SUSD1: variants seen among roughly 807,000 people sequenced by gnomAD.
The protein encoded by SUSD1 is sushi domain containing 1, also known as sushi domain-containing protein 1.
In SUSD1, 65 loss-of-function variants were observed where a neutral mutation model predicts 86.9. The ratio of observed to expected loss-of-function variants is 0.75; its 90% CI spans 0.61 to 0.92. The LOEUF is 0.92. Ranked by LOEUF, SUSD1 falls within the 40% of genes least tolerant of loss-of-function variation. SUSD1 has a pLI of 0.00. For missense variants in SUSD1, 850 were observed against 929.7 expected, an observed-to-expected ratio of 0.91 and a Z score of 1.11; for synonymous variants, 346 against 350.0, an observed-to-expected ratio of 0.99 and a Z score of 0.13.
At chr9:112,127,777 A>G (rs897095560) in intron 5 of SUSD1, among the ~76,000 whole-genome samples, 2 of 152,212 alleles carry the variant, frequency 1.3e-5, no homozygotes, top group Non-Finnish European at 2.9e-5. Context: ...AACAATTATT[A>G]TTAAGTGATA....
intron 6 of SUSD1, among the ~76,000 whole-genome samples, chr9:112,118,624 A>G (rs1280203027): frequency 6.6e-6 from 1 of 152,140 alleles, no homozygotes; most frequent in Non-Finnish European, 1.5e-5. Flanking sequence ...AGCTGGGACT[A>G]CAGACGCGTG....
At chr9:112,143,368 C>G in intron 4 of SUSD1, 103 bp downstream of exon 4, 1 of 1,165,972 alleles carries the variant, frequency 8.6e-7, no homozygotes, top group East Asian at 2.4e-5. Flanking sequence ...TGCAAAGGAT[C>G]AGATCACCTC....
intron 5 of SUSD1, 31 bp from the exon 6 acceptor site, chr9:112,124,467 T>A (rs1210578717): frequency 6.3e-7 from 1 of 1,587,188 alleles, no homozygotes; most frequent in Non-Finnish European, 8.6e-7. Flanking sequence ...GCACTGGTTA[T>A]AAGCCCTGAC....
At chr9:112,125,351 A>C (rs1490593888) in intron 5 of SUSD1, among the ~76,000 whole-genome samples, 3 of 152,146 alleles carry the variant, frequency 2.0e-5, no homozygotes, top group Non-Finnish European at 4.4e-5. Flanking sequence ...AATAAAAATA[A>C]ATTTTCAAAT....
At chr9:112,107,279 G>T (rs931641346) in intron 8 of SUSD1, among the ~76,000 whole-genome samples, 2 of 129,330 alleles carry the variant, frequency 1.5e-5, no homozygotes, top group Non-Finnish European at 3.4e-5. Context: ...AAAAAGAAAA[G>T]AAAGAAAAAA....
intron 12 of SUSD1, among the ~76,000 whole-genome samples, chr9:112,064,596 G>A (rs1381076754): frequency 5.3e-5 from 8 of 152,136 alleles, no homozygotes; most frequent in South Asian, 2.1e-4. Context: ...GGCCGGGTGC[G>A]GGGGTGCGGT....
intron 5 of SUSD1, among the ~76,000 whole-genome samples, chr9:112,124,717 C>G (rs1386105033): frequency 6.6e-6 from 1 of 152,162 alleles, no homozygotes; most frequent in Non-Finnish European, 1.5e-5. Flanking sequence ...TTACAGTTCT[C>G]TAGTACATTT....
chr9:112,154,386 T>C (rs1002805285), intron 2 of SUSD1, among the ~76,000 whole-genome samples: 4 of 149,910 alleles, frequency 2.7e-5, no homozygotes, highest in African/African-American at 9.8e-5. Context: ...TGGTGGTGTG[T>C]GCCTGTAGTC....
In SUSD1 at chr9:112,175,274, C is replaced by G. The variant is rs1834232082; in HGVS notation, c.-39G>C. On this transcript the variant is annotated 5_prime_UTR_variant, in exon 1 of 17. Coordinates refer to ENST00000374270, the MANE Select transcript of SUSD1 (RefSeq NM_022486.5). This position sits in a 1 kb window ranked among gnomAD's most constrained non-coding sequence, Gnocchi z 4.7. ...CCTCCCGGCGCGCCCGCGCCTCCTCCCGGGGCCCTCAGGGTGCAGAGATAA... is the reference window on the plus strand; with the variant it reads ...CCTCCCGGCGCGCCCGCGCCTCCTCGCGGGGCCCTCAGGGTGCAGAGATAA... The G allele has an allele frequency of 8.8e-7, 1 of 1,135,044 alleles. No individual in the cohort carries two copies. The highest frequency in any genetic ancestry group is 1.1e-6 in the Non-Finnish European group (1 of 925,998). The allele number at this position is 1,135,044 out of a possible 1,614,324, so 70.3% of individuals were successfully genotyped here. A position where few individuals can be genotyped will look rare whatever the true frequency, so the allele number is the denominator to read the frequency against.
intron 1 of SUSD1, chr9:112,173,616 A>G: frequency 2.3e-6 from 1 of 439,184 alleles, no homozygotes; most frequent in South Asian, 1.8e-5. Context: ...TTGATCCTTG[A>G]CCTTGGTCTT....
intron 1 of SUSD1, among the ~76,000 whole-genome samples, chr9:112,160,215 T>C (rs986048240): frequency 1.3e-5 from 2 of 152,102 alleles, no homozygotes; most frequent in African/African-American, 2.4e-5. Flanking sequence ...AGAGAGAAGA[T>C]GATAGCAGAC....
chr9:112,041,437 G>T lies in SUSD1; in HGVS notation c.*55C>A, dbSNP rs1177406000. ...CCTCTGTGCGGGCACCTGAGAAGCT[G>T]CCAGAACACCTGCCCAGCAGCAGTG... On this transcript the variant is annotated 3_prime_UTR_variant, in exon 17 of 17. Transcript: ENST00000374270. The T allele has an allele frequency of 1.3e-6, 1 of 780,834 alleles. No individual in the cohort carries two copies. The highest frequency in any genetic ancestry group is 2.4e-6 in the Non-Finnish European group (1 of 418,088). 48.4% of individuals were successfully genotyped at this position (780,834 alleles called of 1,614,324 possible). A position where few individuals can be genotyped will look rare whatever the true frequency, so the allele number is the denominator to read the frequency against.
intron 2 of SUSD1, among the ~76,000 whole-genome samples, chr9:112,154,029 G>A (rs1463432979): frequency 6.6e-6 from 1 of 152,192 alleles, no homozygotes; most frequent in Admixed American, 6.5e-5. Flanking sequence ...CATTATGACA[G>A]CTACGACATC....
intron 15 of SUSD1, among the ~76,000 whole-genome samples, chr9:112,046,986 T>C (rs1827982279): frequency 6.6e-6 from 1 of 152,202 alleles, no homozygotes; most frequent in African/African-American, 2.4e-5. Flanking sequence ...GGGTGGTAAG[T>C]TCAGGCACAT....
chr9:112,115,824 G>GAAAAAAAAAA lies in SUSD1; in HGVS notation c.887-2966_887-2957dup, dbSNP rs58111856. ...ACTCCATTGCAAAAAAAAAAAAAAA[G>GAAAAAAAAAA]AAAAAAAAAAGAAAAGAAATACTCC... On this transcript the variant is annotated intron_variant, in intron 6 of 16. Coordinates refer to ENST00000374270, the MANE Select transcript of SUSD1 (RefSeq NM_022486.5). 9.1e-5 allele frequency among the ~76,000 whole-genome samples: 11 copies of GAAAAAAAAAA among 120,954 alleles called. 1 individual carries two copies. Among genetic ancestry groups the GAAAAAAAAAA allele is most frequent in the African/African-American group, 3.4e-4 (11 of 32,316 alleles). 79.4% of individuals were successfully genotyped at this position (120,954 alleles called of 152,430 possible).
chr9:112,110,918 C>T (rs571931342), intron 8 of SUSD1, among the ~76,000 whole-genome samples: 1 of 152,298 alleles, frequency 6.6e-6, no homozygotes, highest in South Asian at 2.1e-4. Context: ...AACTTGATCT[C>T]TTTAAAGCTG....
intron 2 of SUSD1, among the ~76,000 whole-genome samples, chr9:112,150,703 G>C (rs1296978519): frequency 6.6e-6 from 1 of 152,170 alleles, no homozygotes; most frequent in African/African-American, 2.4e-5. Context: ...TGTATAGCAT[G>C]TTACTGTACT....
intron 9 of SUSD1, among the ~76,000 whole-genome samples, chr9:112,099,353 G>A (rs1349411369): frequency 1.3e-5 from 2 of 151,934 alleles, no homozygotes; most frequent in Admixed American, 6.6e-5. Flanking sequence ...AATTCTTTTA[G>A]TTTCTTTTCA....
chr9:112,042,180 T>A, intron 15 of SUSD1: 1 of 1,536,676 alleles, frequency 6.5e-7, no homozygotes, highest in Non-Finnish European at 8.7e-7. Flanking sequence ...AAAGGAAGTG[T>A]AAAGCCAGAC....
Sources: allele counts gnomAD v4.1 joint callset (sites outside exome capture counted in the v4.1 genomes callset), GRCh38; gene constraint gnomAD v4.1.1; non-coding constraint Gnocchi (gnomAD v3.1); transcripts MANE v1.5; gene names NCBI Gene and HGNC (gene_info 2026-07-23, HGNC 2026-07-21).